GPC5: variants seen among roughly 807,000 people sequenced by gnomAD.
GPC5 encodes the protein glypican 5, also known as glypican-5.
Under a neutral mutation model 53.9 loss-of-function variants are expected in GPC5, and 47 were observed. The ratio of observed to expected loss-of-function variants is 0.87; its 90% CI spans 0.69 to 1.11. The LOEUF (loss-of-function observed/expected upper bound fraction) is 1.11. GPC5 is among the 50% of genes most tolerant of loss of function. GPC5 has a pLI of 0.00. For missense variants in GPC5, 748 were observed against 713.1 expected (o/e 1.05, Z -0.56); for synonymous variants, 286 against 263.3 (o/e 1.09, Z -0.84).
intron 7 of GPC5, among the ~76,000 whole-genome samples, chr13:92,503,073 T>C (rs1880247583): frequency 6.6e-6 from 1 of 151,954 alleles, no homozygotes; most frequent in Non-Finnish European, 1.5e-5. Flanking sequence ...TTTCTTCTTT[T>C]AAAAAAATCT....
chr13:92,528,893 G>A (rs567499282), intron 7 of GPC5, among the ~76,000 whole-genome samples: 5 of 151,850 alleles, frequency 3.3e-5, no homozygotes, highest in Non-Finnish European at 7.4e-5. Flanking sequence ...ACTTATTAAT[G>A]ATCATAAAGC....
chr13:91,556,078 C>T (rs898388884), intron 2 of GPC5, among the ~76,000 whole-genome samples: 1 of 151,858 alleles, frequency 6.6e-6, no homozygotes, highest in Non-Finnish European at 1.5e-5. Context: ...ACCCCTATCC[C>T]TTCCACCACT....
chr13:91,987,066 C>T (rs1566379661), intron 6 of GPC5, among the ~76,000 whole-genome samples: 1 of 152,276 alleles, frequency 6.6e-6, no homozygotes, highest in East Asian at 1.9e-4. Context: ...AAATGTTAGC[C>T]AGGATGGCAT....
At chr13:91,402,993 T>G (rs901771215) in intron 1 of GPC5, among the ~76,000 whole-genome samples, 1 of 152,220 alleles carries the variant, frequency 6.6e-6, no homozygotes, top group African/African-American at 2.4e-5. Context: ...CGTTCTTCTG[T>G]CTGTAGGGAG....
At chr13:92,434,054 G>A (rs945189297) in intron 7 of GPC5, among the ~76,000 whole-genome samples, 3 of 152,150 alleles carry the variant, frequency 2.0e-5, no homozygotes, top group Non-Finnish European at 4.4e-5. Context: ...AGTACAGTTA[G>A]CACCACTATG....
intron 2 of GPC5, among the ~76,000 whole-genome samples, chr13:91,519,055 C>T: frequency 6.6e-6 from 1 of 152,150 alleles, no homozygotes; most frequent in East Asian, 1.9e-4. Context: ...CATTAACGTT[C>T]ATAATGTTTT....
intron 7 of GPC5, chr13:92,446,870 A>T (rs1310874213): frequency 1.4e-5 from 2 of 147,324 alleles, no homozygotes; most frequent in Non-Finnish European, 3.0e-5. Flanking sequence ...ATTTGCATTT[A>T]TCTGATGATC....
intron 5 of GPC5, among the ~76,000 whole-genome samples, chr13:91,859,122 A>AT (rs2038998829): frequency 7.0e-6 from 1 of 143,300 alleles, no homozygotes; most frequent in Non-Finnish European, 1.5e-5. Context: ...GATATTTTGT[A>AT]TTTTTTCATT....
intron 7 of GPC5, among the ~76,000 whole-genome samples, chr13:92,744,283 G>C (rs1889186691): frequency 6.6e-6 from 1 of 152,046 alleles, no homozygotes; most frequent in South Asian, 2.1e-4. Context: ...GGGAAAGTGA[G>C]AGCAGGAGTA....
At chr13:92,195,196 C>G (rs1212537388) in intron 7 of GPC5, among the ~76,000 whole-genome samples, 1 of 152,122 alleles carries the variant, frequency 6.6e-6, no homozygotes, top group Non-Finnish European at 1.5e-5. Context: ...GTTTTGATCT[C>G]TAATCTAGAG....
intron 5 of GPC5, among the ~76,000 whole-genome samples, chr13:91,796,343 C>T (rs1000365911): frequency 1.3e-5 from 2 of 152,130 alleles, no homozygotes; most frequent in Non-Finnish European, 2.9e-5. Context: ...GGTTGGAAGT[C>T]AAAATGGCGG....
chr13:92,227,135 G>A (rs2042492891), intron 7 of GPC5, among the ~76,000 whole-genome samples: 1 of 152,158 alleles, frequency 6.6e-6, no homozygotes. Context: ...GTGTCTGTGT[G>A]AAAACATTGA....
intron 7 of GPC5, among the ~76,000 whole-genome samples, chr13:92,383,123 T>C (rs113113533): frequency 0.035 from 5,271 of 152,212 alleles, 128 homozygotes; most frequent in Non-Finnish European, 0.049. Flanking sequence ...CATATTAATA[T>C]GTATGATAGT....
At chr13:91,514,426 A>T (rs1381705745) in intron 2 of GPC5, among the ~76,000 whole-genome samples, 1 of 152,118 alleles carries the variant, frequency 6.6e-6, no homozygotes, top group African/African-American at 2.4e-5. Flanking sequence ...ATGCTTATTT[A>T]CTATCTGTAT....
intron 7 of GPC5, among the ~76,000 whole-genome samples, chr13:92,789,956 C>T (rs1351761902): frequency 6.6e-6 from 1 of 152,118 alleles, no homozygotes; most frequent in Non-Finnish European, 1.5e-5. Context: ...CTTGGCAAAC[C>T]ACTGGTGTAA....
At chr13:91,681,010 A>G (rs909187606) in intron 2 of GPC5, among the ~76,000 whole-genome samples, 6 of 152,162 alleles carry the variant, frequency 3.9e-5, no homozygotes, top group African/African-American at 7.2e-5. Context: ...TTTAAATAAT[A>G]CATACGAATA....
At chr13:92,383,768 A>C (rs10161864) in intron 7 of GPC5, among the ~76,000 whole-genome samples, 2,345 of 152,276 alleles carry the variant, frequency 0.015, 57 homozygotes, top group African/African-American at 0.051. Flanking sequence ...ATAACTAATA[A>C]ATTATATTTT....
chr13:92,607,828 G>A (rs1431756145), intron 7 of GPC5, among the ~76,000 whole-genome samples: 4 of 152,036 alleles, frequency 2.6e-5, no homozygotes, highest in Non-Finnish European at 5.9e-5. Context: ...GTTGACCCTT[G>A]AACAACATGG....
chr13:92,085,827 A>T (rs2041331336), intron 6 of GPC5, among the ~76,000 whole-genome samples: 1 of 152,120 alleles, frequency 6.6e-6, no homozygotes, highest in African/African-American at 2.4e-5. Flanking sequence ...TGAGAATCTG[A>T]TGCTGCTGCT....
Sources: gnomAD v4.1 joint callset for allele counts (sites outside exome capture counted in the v4.1 genomes callset) on GRCh38, gnomAD v4.1.1 for gene constraint, MANE v1.5 for transcripts, NCBI Gene and HGNC (gene_info 2026-07-23, HGNC 2026-07-21) for gene names.